Variants in NRXN1 observed in about 807,000 individuals in gnomAD.
The protein encoded by NRXN1 is neurexin 1.
A neutral mutation model predicts 150.9 loss-of-function variants in NRXN1; 39 were observed. The observed-to-expected ratio is 0.26, with a 90% confidence interval of 0.20 to 0.34. The LOEUF is 0.34. NRXN1 is among the 10% of genes least tolerant of loss of function. NRXN1 has a pLI of 1.00. For synonymous variants in NRXN1, 924 were observed against 757.0 expected, an observed-to-expected ratio of 1.22 and a Z score of -3.62; for missense variants, 1,815 against 1,949.9, an observed-to-expected ratio of 0.93 and a Z score of 1.30.
At chr2:51,001,150 G>A (rs1699998513) in intron 2 of NRXN1, among the ~76,000 whole-genome samples, 1 of 139,972 alleles carries the variant, frequency 7.1e-6, no homozygotes. Flanking sequence ...AATGCTTTGT[G>A]TAGTAAACAC....
At chr2:50,110,574 T>C (rs2152724300) in intron 18 of NRXN1, among the ~76,000 whole-genome samples, 1 of 151,602 alleles carries the variant, frequency 6.6e-6, no homozygotes, top group Admixed American at 6.6e-5. Flanking sequence ...TAAAAAATAA[T>C]TTCAAGTCAA....
chr2:50,165,963 A>G (rs1273729920), intron 18 of NRXN1, among the ~76,000 whole-genome samples: 1 of 152,156 alleles, frequency 6.6e-6, no homozygotes, highest in Non-Finnish European at 1.5e-5. Flanking sequence ...AATGATTTGC[A>G]ATGACCCTTA....
intron 6 of NRXN1, among the ~76,000 whole-genome samples, chr2:50,622,922 G>A (rs985477692): frequency 6.6e-6 from 1 of 151,850 alleles, no homozygotes; most frequent in African/African-American, 2.4e-5. Context: ...CTATTTTTTC[G>A]ACTACAAAAA....
intron 5 of NRXN1, among the ~76,000 whole-genome samples, chr2:50,651,975 C>T (rs1387495730): frequency 1.3e-5 from 2 of 152,064 alleles, no homozygotes; most frequent in Admixed American, 6.6e-5. Flanking sequence ...TGCTCTGTGG[C>T]CACAGGGCAC....
intron 17 of NRXN1, among the ~76,000 whole-genome samples, chr2:50,396,349 G>A (rs748642227): frequency 1.4e-4 from 21 of 152,038 alleles, no homozygotes; most frequent in Non-Finnish European, 2.6e-4. Flanking sequence ...ACATGTAATG[G>A]TACTTATTTG....
At chr2:50,769,350 G>A (rs1395072960) in intron 5 of NRXN1, among the ~76,000 whole-genome samples, 2 of 152,022 alleles carry the variant, frequency 1.3e-5, no homozygotes, top group South Asian at 2.1e-4. Flanking sequence ...AAAGAAACCT[G>A]CTGTCTCTCT....
chr2:50,491,109 A>G (rs2091227999), intron 15 of NRXN1, among the ~76,000 whole-genome samples: 1 of 152,220 alleles, frequency 6.6e-6, no homozygotes, highest in Non-Finnish European at 1.5e-5. Flanking sequence ...TAAACAAAGT[A>G]TCTGGGCAAG....
chr2:50,517,376 T>G (rs1419167499), intron 12 of NRXN1, among the ~76,000 whole-genome samples: 1 of 150,542 alleles, frequency 6.6e-6, no homozygotes, highest in Non-Finnish European at 1.5e-5. Context: ...TCACTAAGTA[T>G]TTGTTGAATG....
At chr2:50,456,733 C>T (rs2087600217) in intron 17 of NRXN1, among the ~76,000 whole-genome samples, 1 of 151,830 alleles carries the variant, frequency 6.6e-6, no homozygotes. Context: ...GGCCCTTGGT[C>T]TTCACTATTA....
intron 18 of NRXN1, among the ~76,000 whole-genome samples, chr2:50,195,372 C>A (rs1415714047): frequency 6.6e-6 from 1 of 152,124 alleles, no homozygotes; most frequent in Non-Finnish European, 1.5e-5. Context: ...GATCTTTACT[C>A]ATGATCTCAC....
intron 13 of NRXN1, 120 bp from the exon 14 acceptor site, chr2:50,497,834 T>A (rs1003327771): frequency 1.2e-6 from 1 of 838,118 alleles, no homozygotes; most frequent in East Asian, 2.5e-5. Flanking sequence ...TGGTACTCAG[T>A]TGCATATAGG....
In NRXN1 at chr2:50,264,811, A is replaced by G. The variant is rs140745328; in HGVS notation, c.3365-27841T>C. Among the ~76,000 whole-genome samples, 131 of 152,198 alleles carry G rather than the reference A, an allele frequency of 8.6e-4. 1 individual carries two copies. Among genetic ancestry groups the G allele is most frequent in the African/African-American group, 3.1e-3 (127 of 41,546 alleles). On this transcript the variant is annotated intron_variant, in intron 17 of 22. Transcript: ENST00000401669. Reference sequence around the variant, plus strand: ...TAATCTAGGCCTCTGTCTCTTGGAGACAAGAAGTGGGAACAAGACCATGAG... The same window carrying G: ...TAATCTAGGCCTCTGTCTCTTGGAGGCAAGAAGTGGGAACAAGACCATGAG...
chr2:50,251,339 T>C (rs545095359), intron 17 of NRXN1, among the ~76,000 whole-genome samples: 1 of 148,964 alleles, frequency 6.7e-6, no homozygotes, highest in African/African-American at 2.5e-5. Context: ...GCTCCATCCA[T>C]GTCTCTGCAG....
chr2:50,956,963 A>G (rs1280429373), intron 2 of NRXN1, among the ~76,000 whole-genome samples: 3 of 152,118 alleles, frequency 2.0e-5, no homozygotes, highest in African/African-American at 2.4e-5. Context: ...CAGAGCTGAC[A>G]CTTTTACCAC....
intron 5 of NRXN1, among the ~76,000 whole-genome samples, chr2:50,864,606 AC>A (rs1254813085): frequency 6.6e-6 from 1 of 151,882 alleles, no homozygotes; most frequent in Non-Finnish European, 1.5e-5. Context: ...AGAACCCACA[AC>A]CCCCCATAAT....
chr2:50,210,037 T>C (rs1319696059), intron 18 of NRXN1, among the ~76,000 whole-genome samples: 1 of 152,008 alleles, frequency 6.6e-6, no homozygotes, highest in Non-Finnish European at 1.5e-5. Context: ...ACCAAAATTA[T>C]AATTACTTGG....
intron 5 of NRXN1, among the ~76,000 whole-genome samples, chr2:50,682,961 G>C (rs1432558809): frequency 3.3e-5 from 5 of 151,876 alleles, no homozygotes; most frequent in Non-Finnish European, 7.4e-5. Context: ...TATGCATATA[G>C]GTCTATACAC....
intron 5 of NRXN1, among the ~76,000 whole-genome samples, chr2:50,867,986 A>G (rs1444771263): frequency 1.3e-5 from 2 of 151,510 alleles, no homozygotes; most frequent in Non-Finnish European, 3.0e-5. Flanking sequence ...TAGAAGAAAT[A>G]TAATTAAGTG....
rs1413440556 is a variant in NRXN1, at chr2:50,531,417, C to T, written c.2157G>A (p.Leu719=). Reference sequence around the variant, plus strand: ...TCATAAACATGCTCCCATCATAGCTCAAAACCGTTGCCTCTAGAGATGGAA... The same window carrying T: ...TCATAAACATGCTCCCATCATAGCTTAAAACCGTTGCCTCTAGAGATGGAA... ...GRSCEREATV[L]SYDGSMFMKI... The change falls in exon 11 of 23, where the codon TTG becomes TTA. Residue 719 remains leucine (L), a synonymous_variant. Coordinates refer to ENST00000401669, the MANE Select transcript of NRXN1 (RefSeq NM_001330078.2). The T allele has an allele frequency of 1.9e-6, 3 of 1,610,874 alleles. No individual in the cohort carries two copies. The highest frequency in any genetic ancestry group is 1.7e-4 in the Middle Eastern group (1 of 6,058).
Sources: gnomAD v4.1 joint callset for allele counts (sites outside exome capture counted in the v4.1 genomes callset) on GRCh38, gnomAD v4.1.1 for gene constraint, MANE v1.5 for transcripts, NCBI Gene and HGNC (gene_info 2026-07-23, HGNC 2026-07-21) for gene names.